ELAVL4: variants seen among roughly 807,000 people sequenced by gnomAD.
ELAVL4 encodes ELAV like RNA binding protein 4, also known as ELAV-like protein 4.
In ELAVL4, 1 loss-of-function variant was observed where a neutral mutation model predicts 35.6. The observed-to-expected ratio is 0.03, with a 90% CI of 0.01 to 0.13. The LOEUF (loss-of-function observed/expected upper bound fraction) is 0.13, where lower values mean the gene tolerates loss of function less well. ELAVL4 is among the 10% of genes least tolerant of loss of function. The pLI is 1.00. For missense variants in ELAVL4, 267 were observed against 464.9 expected (o/e 0.57, Z 3.91); for synonymous variants, 156 against 171.0 (o/e 0.91, Z 0.69).
At chr1:50,061,330 G>A (rs1235891701) in intron 1 of ELAVL4, among the ~76,000 whole-genome samples, 2 of 152,158 alleles carry the variant, frequency 1.3e-5, no homozygotes, top group East Asian at 1.9e-4. Flanking sequence ...TTAGGCTATA[G>A]AGACCATGGG....
chr1:50,162,429 T>A (rs1218641897), intron 2 of ELAVL4, among the ~76,000 whole-genome samples: 1 of 152,202 alleles, frequency 6.6e-6, no homozygotes, highest in Non-Finnish European at 1.5e-5. Flanking sequence ...AAATACCTAC[T>A]GTAGGCCAGG....
chr1:50,067,633 CTG>C (rs1328260024), intron 1 of ELAVL4, among the ~76,000 whole-genome samples: 1 of 152,154 alleles, frequency 6.6e-6, no homozygotes, highest in Admixed American at 6.5e-5. Context: ...TATCCAGGCA[CTG>C]TGATAGGTGC....
At chr1:50,157,385 T>C (rs967417626) in intron 2 of ELAVL4, among the ~76,000 whole-genome samples, 7 of 152,184 alleles carry the variant, frequency 4.6e-5, no homozygotes, top group African/African-American at 1.7e-4. Flanking sequence ...GATAGGACAT[T>C]GTAAGCAGGG....
intron 4 of ELAVL4, among the ~76,000 whole-genome samples, chr1:50,194,945 G>A (rs150261929): frequency 4.6e-5 from 7 of 152,302 alleles, no homozygotes; most frequent in African/African-American, 1.7e-4. Context: ...AGGGTGGCTG[G>A]TGTGAGCCTC....
At chr1:50,065,744 G>T (rs184382097) in intron 1 of ELAVL4, among the ~76,000 whole-genome samples, 6 of 152,078 alleles carry the variant, frequency 3.9e-5, no homozygotes, top group African/African-American at 1.2e-4. Context: ...TATCTCAGTT[G>T]GTCTTATTCT....
At chr1:50,130,588 C>G (rs1243833735) in intron 1 of ELAVL4, among the ~76,000 whole-genome samples, 1 of 152,054 alleles carries the variant, frequency 6.6e-6, no homozygotes, top group East Asian at 1.9e-4. Flanking sequence ...ACAGGATTTC[C>G]CTTTACTGAG....
At chr1:50,067,283 C>T (rs1231431500) in intron 1 of ELAVL4, among the ~76,000 whole-genome samples, 1 of 152,192 alleles carries the variant, frequency 6.6e-6, no homozygotes, top group African/African-American at 2.4e-5. Context: ...CAAATATGTT[C>T]GTATTCTTGA....
intron 1 of ELAVL4, among the ~76,000 whole-genome samples, chr1:50,078,885 G>A (rs1664880957): frequency 6.6e-6 from 1 of 152,098 alleles, no homozygotes; most frequent in Non-Finnish European, 1.5e-5. Context: ...TTATGTTTGT[G>A]ATGCTCCTTC....
upstream of ELAVL4, chr1:50,104,117 A>G: frequency 1.8e-6 from 2 of 1,100,626 alleles, no homozygotes; most frequent in South Asian, 1.3e-5. Flanking sequence ...AACCCGCTTC[A>G]TCTTATTTTC....
rs530143363 is a variant in ELAVL4, at chr1:50,195,804, G to A, written c.734+18G>A. ...AGGTTCAGGTAGGCATGCCCAAAGA[G>A]GAAGAAGCCCTGCTACAGGGGTTCA... On this transcript the variant is annotated intron_variant, in intron 5 of 6. Transcript: ENST00000371824. 1 of 1,613,732 alleles carries A rather than the reference G, an allele frequency of 6.2e-7. No individual in the cohort carries two copies. Among genetic ancestry groups the A allele is most frequent in the South Asian group, 1.1e-5 (1 of 91,066 alleles).
At chr1:50,184,985 G>A (rs1055233871) in intron 3 of ELAVL4, among the ~76,000 whole-genome samples, 4 of 152,178 alleles carry the variant, frequency 2.6e-5, no homozygotes, top group Non-Finnish European at 5.9e-5. Context: ...TCAAAGTTCA[G>A]TTTCTTAGTC....
chr1:50,196,672 A>T (rs1161254108), intron 5 of ELAVL4, among the ~76,000 whole-genome samples: 2 of 152,200 alleles, frequency 1.3e-5, no homozygotes, highest in African/African-American at 2.4e-5. Flanking sequence ...ATGCCCTGTG[A>T]ATTTGAAATG....
At chr1:50,082,638 C>T (rs976343966) in intron 1 of ELAVL4, among the ~76,000 whole-genome samples, 1 of 152,064 alleles carries the variant, frequency 6.6e-6, no homozygotes, top group African/African-American at 2.4e-5. Flanking sequence ...ACTAGGACAA[C>T]TTTTTATAGA....
chr1:50,075,955 G>C (rs1362110009), intron 1 of ELAVL4, among the ~76,000 whole-genome samples: 2 of 152,098 alleles, frequency 1.3e-5, no homozygotes, highest in Non-Finnish European at 2.9e-5. Context: ...AGCCTCCTGA[G>C]TAGCTGGGAT....
At chr1:50,177,763 G>A (rs1023649449) in intron 3 of ELAVL4, among the ~76,000 whole-genome samples, 1 of 152,112 alleles carries the variant, frequency 6.6e-6, no homozygotes, top group Admixed American at 6.5e-5. Flanking sequence ...ATAAATAAAC[G>A]CACCAGTGTA....
chr1:50,074,741 A>G (rs918126995), intron 1 of ELAVL4, among the ~76,000 whole-genome samples: 1 of 152,198 alleles, frequency 6.6e-6, no homozygotes, highest in African/African-American at 2.4e-5. Flanking sequence ...TGAAGACACT[A>G]GAGGAAGGCA....
upstream of ELAVL4, among the ~76,000 whole-genome samples, chr1:50,104,343 AT>A (rs1451935785): frequency 2.0e-5 from 3 of 151,856 alleles, no homozygotes; most frequent in Non-Finnish European, 4.4e-5. Context: ...AGAAAGTGAC[AT>A]TTTTTAATTA....
chr1:50,162,864 G>A (rs148002855), intron 2 of ELAVL4, among the ~76,000 whole-genome samples: 58 of 152,326 alleles, frequency 3.8e-4, no homozygotes, highest in African/African-American at 1.4e-3. Flanking sequence ...GATTACTGGC[G>A]TGAGCCACTG....
chr1:50,133,599 AAAAGAAAGAAAGAAAGAAAG>A (rs56304409), intron 1 of ELAVL4, among the ~76,000 whole-genome samples: 1,405 of 129,256 alleles, frequency 0.011, 20 homozygotes, highest in Admixed American at 0.013. Flanking sequence ...AGAAAGAAAG[AAAAGAAAGAAAGAAAGAAAG>A]AAAGAAAGAA....
Sources: gnomAD v4.1 joint callset for allele counts (sites outside exome capture counted in the v4.1 genomes callset) on GRCh38, gnomAD v4.1.1 for gene constraint, MANE v1.5 for transcripts, NCBI Gene and HGNC (gene_info 2026-07-23, HGNC 2026-07-21) for gene names.